SCGB2B2: variants seen among roughly 807,000 people sequenced by gnomAD.
SCGB2B2 encodes secretoglobin-like protein.
SCGB2B2 carries 11 observed loss-of-function variants against 7.6 expected under a neutral mutation model. The ratio of observed to expected loss-of-function variants is 1.45; its 90% CI spans 0.91 to 2.40. The LOEUF is 2.40. Ranked by LOEUF, SCGB2B2 falls within the 30% of genes most tolerant of loss-of-function variation. SCGB2B2 has a pLI of 0.00. For synonymous variants in SCGB2B2, 50 were observed against 48.6 expected, an observed-to-expected ratio of 1.03 and a Z score of -0.12; for missense variants, 104 against 115.4, an observed-to-expected ratio of 0.90 and a Z score of 0.45.
At chr19:34,668,272 G>T (rs143301838) in intron 1 of SCGB2B2, among the ~76,000 whole-genome samples, 2 of 152,124 alleles carry the variant, frequency 1.3e-5, no homozygotes, top group African/African-American at 2.4e-5. Flanking sequence ...TGGGCTTGGC[G>T]GGCCCCGCAC....
At position 34,594,229 on chromosome 19, in the gene SCGB2B2, C is replaced by A. The variant is rs749595919; in HGVS notation, c.192G>T (p.Gln64His). 2 of 1,614,122 alleles carry A rather than the reference C, an allele frequency of 1.2e-6. No individual in the cohort carries two copies. Among genetic ancestry groups the A allele is most frequent in the Non-Finnish European group, 1.7e-6 (2 of 1,179,986 alleles). Residue 64 changes from glutamine to histidine, a missense_variant, in exon 3 of 4, where the codon CAG (glutamine) becomes CAT (histidine). Physicochemically the swap from Gln to His is conservative, Grantham distance 24. Coordinates refer to ENST00000601241, the MANE Select transcript of SCGB2B2 (RefSeq NM_001025591.4). ...PLTEESFLNV[Q>H]QCFANVSVTE... ...TCACGGAGACATTGGCAAAGCATTG[C>A]TGGACATTGAGGAAGGACTCCTCTG... is the stretch of plus-strand genomic sequence containing the variant.
chr19:34,593,419 C>T lies in SCGB2B2; in HGVS notation c.*136G>A. On this transcript the variant is annotated 3_prime_UTR_variant, in exon 4 of 4. Coordinates refer to ENST00000601241, the MANE Select transcript of SCGB2B2 (RefSeq NM_001025591.4). ...GCATATGCGGTCACAGCCAACCCCA[C>T]ACAGATGCCAGAACACAGAACTGAG... The T allele has an allele frequency of 1.5e-6, 1 of 663,994 alleles. No individual in the cohort carries two copies. The highest frequency in any genetic ancestry group is 1.8e-5 in the South Asian group (1 of 54,626). The allele number at this position is 663,994 out of a possible 1,614,324, so 41.1% of individuals were successfully genotyped here.
At chr19:34,656,295 C>A (rs57460709) in intron 1 of SCGB2B2, among the ~76,000 whole-genome samples, 1 of 151,388 alleles carries the variant, frequency 6.6e-6, no homozygotes, top group East Asian at 1.9e-4. Context: ...TAAAATTCAT[C>A]TTTTCTTGAT....
chr19:34,609,280 T>A (rs2065867661), intron 1 of SCGB2B2, among the ~76,000 whole-genome samples: 1 of 152,144 alleles, frequency 6.6e-6, no homozygotes, highest in Admixed American at 6.5e-5. Flanking sequence ...AAGTCATCTC[T>A]TCTCTCTATT....
chr19:34,611,186 G>A lies in SCGB2B2; in HGVS notation c.-2031-14592C>T, dbSNP rs184193826. Among the ~76,000 whole-genome samples the A allele has an allele frequency of 2.3e-3, 339 of 146,302 alleles. 1 individual carries two copies. The highest frequency in any genetic ancestry group is 7.9e-3 in the African/African-American group (323 of 40,938). ...TGTGATGTCTACTATTTCATTTTTG[G>A]TTTTATTTACTTGTGCCTTTTTTCT... On this transcript the variant is annotated intron_variant, in intron 1 of 3. Coordinates refer to ENST00000601241, the MANE Select transcript of SCGB2B2 (RefSeq NM_001025591.4).
At chr19:34,658,790 CACAACAACA>C (rs1189296393) in intron 1 of SCGB2B2, among the ~76,000 whole-genome samples, 3 of 115,370 alleles carry the variant, frequency 2.6e-5, no homozygotes, top group African/African-American at 7.3e-5. Context: ...CTGGCAGAGA[CACAACAACA>C]ACAACAACAA....
chr19:34,657,986 C>T (rs2067327546), intron 1 of SCGB2B2, among the ~76,000 whole-genome samples: 1 of 152,192 alleles, frequency 6.6e-6, no homozygotes, highest in African/African-American at 2.4e-5. Context: ...CAACCTGCTA[C>T]TGAATGACTA....
intron 1 of SCGB2B2, among the ~76,000 whole-genome samples, chr19:34,638,663 C>T (rs2066759158): frequency 6.6e-6 from 1 of 152,108 alleles, no homozygotes; most frequent in Non-Finnish European, 1.5e-5. Context: ...AAAGTTTATG[C>T]CCCTAATAAT....
intron 1 of SCGB2B2, among the ~76,000 whole-genome samples, chr19:34,631,081 A>G (rs2066518117): frequency 7.9e-6 from 1 of 125,988 alleles, no homozygotes; most frequent in Non-Finnish European, 1.6e-5. Context: ...ACGTGGACAC[A>G]GGAAGGGGAA....
At chr19:34,589,289 C>T (rs2065246768), downstream of SCGB2B2, among the ~76,000 whole-genome samples, 1 of 150,832 alleles carries the variant, frequency 6.6e-6, no homozygotes, top group Admixed American at 6.6e-5. Context: ...GTGGGGAGCA[C>T]TGGTCAGGGC....
At chr19:34,637,604 CAT>C (rs976812911) in intron 1 of SCGB2B2, 4 of 162,788 alleles carry the variant, frequency 2.5e-5, no homozygotes, top group Non-Finnish European at 5.8e-5. Flanking sequence ...CAGGCAAAAT[CAT>C]AAAAAAAAAA....
chr19:34,602,292 C>G (rs889366753), intron 1 of SCGB2B2, among the ~76,000 whole-genome samples: 4 of 152,140 alleles, frequency 2.6e-5, no homozygotes, highest in African/African-American at 9.7e-5. Flanking sequence ...TGGGATAAAT[C>G]TGCCTTAATT....
chr19:34,619,456 A>G (rs2066180928), intron 1 of SCGB2B2, among the ~76,000 whole-genome samples: 1 of 152,200 alleles, frequency 6.6e-6, no homozygotes, highest in Non-Finnish European at 1.5e-5. Context: ...GAAATCAGTA[A>G]GTCTTAACTA....
intron 1 of SCGB2B2, among the ~76,000 whole-genome samples, chr19:34,657,912 C>T (rs2067325703): frequency 6.6e-6 from 1 of 152,182 alleles, no homozygotes; most frequent in Non-Finnish European, 1.5e-5. Flanking sequence ...GACCAAAGTG[C>T]AATCAAATTA....
intron 3 of SCGB2B2, among the ~76,000 whole-genome samples, chr19:34,593,890 T>G (rs1435420034): frequency 2.0e-5 from 3 of 152,062 alleles, no homozygotes; most frequent in Non-Finnish European, 4.4e-5. Flanking sequence ...TCATCATCAG[T>G]GCTTTGGTGC....
At chr19:34,652,956 A>G (rs1420559564) in intron 1 of SCGB2B2, among the ~76,000 whole-genome samples, 1 of 151,386 alleles carries the variant, frequency 6.6e-6, no homozygotes, top group Admixed American at 6.6e-5. Flanking sequence ...AATCGACTTA[A>G]GTGTCCATGA....
chr19:34,628,072 A>T (rs571191380), intron 1 of SCGB2B2, among the ~76,000 whole-genome samples: 1 of 152,292 alleles, frequency 6.6e-6, no homozygotes, highest in African/African-American at 2.4e-5. Context: ...TTTGAAACCA[A>T]CGAGAACAAA....
rs189827045 is a variant in SCGB2B2 at position 34,604,989 on chromosome 19, T to C, written c.-2031-8395A>G. ...AAAATATGAACAGATTCATCTCTTA[T>C]GAAAGTTTCCTTGTACCTCTTTAAG... is the stretch of plus-strand genomic sequence containing the variant. On this transcript the variant is annotated intron_variant, in intron 1 of 3. Coordinates refer to ENST00000601241, the MANE Select transcript of SCGB2B2 (RefSeq NM_001025591.4). 1.2e-4 allele frequency among the ~76,000 whole-genome samples: 19 copies of C among 152,360 alleles called. No homozygotes were observed. The Middle Eastern group carries it at 0.01, about 82-fold the overall frequency.
intron 1 of SCGB2B2, among the ~76,000 whole-genome samples, chr19:34,614,268 A>G (rs748133518): frequency 1.1e-4 from 16 of 151,986 alleles, no homozygotes; most frequent in Non-Finnish European, 1.9e-4. Context: ...GTGGTGTTGC[A>G]TAAGTTTTAT....
Sources: gnomAD v4.1 joint callset for allele counts (sites outside exome capture counted in the v4.1 genomes callset) on GRCh38, gnomAD v4.1.1 for gene constraint, MANE v1.5 for transcripts, NCBI Gene and HGNC (gene_info 2026-07-23, HGNC 2026-07-21) for gene names.